ANKS1B: variants seen among roughly 807,000 people sequenced by gnomAD.
The protein encoded by ANKS1B is ankyrin repeat and sterile alpha motif domain-containing protein 1B.
Under a neutral mutation model 148.3 loss-of-function variants are expected in ANKS1B, and 36 were observed. The ratio of observed to expected loss-of-function variants is 0.24; its 90% confidence interval spans 0.19 to 0.32. ANKS1B has a LOEUF of 0.32. ANKS1B is among the 10% of genes least tolerant of loss of function. ANKS1B has a pLI of 1.00. For missense variants in ANKS1B, 1,157 were observed against 1,542.6 expected (o/e 0.75, Z 4.19); for synonymous variants, 542 against 560.8 (o/e 0.97, Z 0.47).
At chr12:99,788,763 AG>A (rs1386104107) in intron 4 of ANKS1B, among the ~76,000 whole-genome samples, 1 of 152,138 alleles carries the variant, frequency 6.6e-6, no homozygotes, top group African/African-American at 2.4e-5. Flanking sequence ...GAGGCCTGGC[AG>A]GACTCACCAT....
chr12:99,002,114 G>A (rs974122032), intron 17 of ANKS1B, among the ~76,000 whole-genome samples: 1 of 152,142 alleles, frequency 6.6e-6, no homozygotes, highest in Non-Finnish European at 1.5e-5. Context: ...TGACCATGGG[G>A]ATACAGATAT....
chr12:99,943,117 G>C (rs1458512467), intron 1 of ANKS1B, among the ~76,000 whole-genome samples: 1 of 152,178 alleles, frequency 6.6e-6, no homozygotes, highest in African/African-American at 2.4e-5. Flanking sequence ...AGGCAACATA[G>C]AGGAGGATTG....
At chr12:99,566,968 A>G (rs1275096641) in intron 9 of ANKS1B, among the ~76,000 whole-genome samples, 2 of 152,162 alleles carry the variant, frequency 1.3e-5, no homozygotes, top group African/African-American at 4.8e-5. Flanking sequence ...CAAAATATGC[A>G]TAACATCTTG....
intron 17 of ANKS1B, among the ~76,000 whole-genome samples, chr12:98,873,818 T>C (rs571383632): frequency 4.6e-5 from 7 of 152,228 alleles, no homozygotes; most frequent in African/African-American, 1.2e-4. Flanking sequence ...CATGAGCAAA[T>C]GGGAAATAAG....
At chr12:99,293,551 A>G (rs1259099055) in intron 12 of ANKS1B, among the ~76,000 whole-genome samples, 1 of 152,224 alleles carries the variant, frequency 6.6e-6, no homozygotes, top group Non-Finnish European at 1.5e-5. Flanking sequence ...ACTTAAATCT[A>G]AGATTTCAAG....
chr12:99,912,584 T>C (rs900817975), intron 1 of ANKS1B, among the ~76,000 whole-genome samples: 3 of 152,130 alleles, frequency 2.0e-5, no homozygotes, highest in Non-Finnish European at 4.4e-5. Flanking sequence ...ACTCCCGGCC[T>C]TAAGCAATCT....
intron 1 of ANKS1B, among the ~76,000 whole-genome samples, chr12:99,893,182 G>A (rs2093204763): frequency 1.3e-5 from 2 of 151,910 alleles, no homozygotes; most frequent in South Asian, 2.1e-4. Context: ...AGGCCGAGGC[G>A]GGCAGATCAC....
At chr12:99,663,847 C>T (rs1056323211) in intron 8 of ANKS1B, among the ~76,000 whole-genome samples, 1 of 152,084 alleles carries the variant, frequency 6.6e-6, no homozygotes, top group African/African-American at 2.4e-5. Flanking sequence ...ATTACAATTC[C>T]TCTGAAACGC....
chr12:99,553,131 T>C (rs1033666996), intron 9 of ANKS1B, among the ~76,000 whole-genome samples: 1 of 151,998 alleles, frequency 6.6e-6, no homozygotes, highest in Non-Finnish European at 1.5e-5. Context: ...TTCACAATAG[T>C]TGGAGCTTCA....
At chr12:98,841,443 C>T (rs559691399) in intron 17 of ANKS1B, among the ~76,000 whole-genome samples, 3 of 152,150 alleles carry the variant, frequency 2.0e-5, no homozygotes, top group Non-Finnish European at 2.9e-5. Flanking sequence ...TGGCATATAA[C>T]ACCCTCCATC....
chr12:99,131,668 G>A (rs907271143), intron 15 of ANKS1B, among the ~76,000 whole-genome samples: 2 of 152,136 alleles, frequency 1.3e-5, no homozygotes, highest in Non-Finnish European at 2.9e-5. Context: ...AAATTATCCT[G>A]TAACTTCATT....
chr12:99,404,110 T>A, intron 11 of ANKS1B, among the ~76,000 whole-genome samples: 1 of 145,942 alleles, frequency 6.9e-6, no homozygotes, highest in Non-Finnish European at 1.5e-5. Context: ...CTCACTTATA[T>A]GTGGGAGCTA....
chr12:99,629,422 T>C lies in ANKS1B; in HGVS notation c.1272+25645A>G, dbSNP rs1307787349. Reference sequence around the variant, plus strand: ...ATGTACTAAGTGACTTGGAATGTAATATTACTAGGAGGTACTCTACTATTA... The same window carrying C: ...ATGTACTAAGTGACTTGGAATGTAACATTACTAGGAGGTACTCTACTATTA... On this transcript the variant is annotated intron_variant, in intron 9 of 26. Transcript: ENST00000683438. Among the ~76,000 whole-genome samples, 6 of 152,200 alleles carry C rather than the reference T, an allele frequency of 3.9e-5. 1 individual carries two copies. The highest frequency in any genetic ancestry group is 1.4e-4 in the African/African-American group (6 of 41,452).
rs184999548 is a variant in ANKS1B at position 99,315,743 on chromosome 12, C to T, written c.1757-68879G>A. Among the ~76,000 whole-genome samples, 519 of 152,170 alleles carry T rather than the reference C, an allele frequency of 3.4e-3. 2 individuals are homozygous for T. Among genetic ancestry groups the T allele is most frequent in the Non-Finnish European group, 5.7e-3 (390 of 68,006 alleles). On this transcript the variant is annotated intron_variant, in intron 12 of 26. Coordinates refer to ENST00000683438, the MANE Select transcript of ANKS1B (RefSeq NM_001352186.2). ...CGTGCAGGTTTGTTACATAGGTATA[C>T]ATGTGCCATGTTGGTGTGCTGCACT...
intron 17 of ANKS1B, among the ~76,000 whole-genome samples, chr12:98,964,108 A>T (rs2099875778): frequency 6.6e-6 from 1 of 152,150 alleles, no homozygotes; most frequent in South Asian, 2.1e-4. Context: ...CAAAAAAAAA[A>T]ATCTAATAAT....
intron 8 of ANKS1B, among the ~76,000 whole-genome samples, chr12:99,758,031 C>T (rs1172714365): frequency 6.6e-6 from 1 of 151,842 alleles, no homozygotes; most frequent in African/African-American, 2.4e-5. Flanking sequence ...ACAACAAACC[C>T]CCATGGCACA....
At position 99,729,443 on chromosome 12, in the gene ANKS1B, A is replaced by C. The variant is rs139293280; in HGVS notation, c.1128+43479T>G. 1.7e-3 allele frequency among the ~76,000 whole-genome samples: 266 copies of C among 152,260 alleles called. 1 individual carries two copies. Among genetic ancestry groups the C allele is most frequent in the African/African-American group, 6.1e-3 (253 of 41,554 alleles). On this transcript the variant is annotated intron_variant, in intron 8 of 26. Transcript: ENST00000683438. ...TTTATAGTTGAGGTTCTTAGAGTGA[A>C]CTTTTCATTTCAGTAATTGTACTTT...
At chr12:99,762,377 G>T (rs2062217451) in intron 8 of ANKS1B, among the ~76,000 whole-genome samples, 1 of 151,516 alleles carries the variant, frequency 6.6e-6, no homozygotes, top group African/African-American at 2.4e-5. Context: ...AGAGAACTCA[G>T]AAATAAAGCC....
chr12:99,086,446 C>G (rs909117045), intron 15 of ANKS1B, among the ~76,000 whole-genome samples: 5 of 152,120 alleles, frequency 3.3e-5, no homozygotes, highest in Admixed American at 2.6e-4. Context: ...GCATGCCATG[C>G]TGAGGGCTTC....
Sources: gnomAD v4.1 joint callset for allele counts (sites outside exome capture counted in the v4.1 genomes callset) on GRCh38, gnomAD v4.1.1 for gene constraint, MANE v1.5 for transcripts, NCBI Gene and HGNC (gene_info 2026-07-23, HGNC 2026-07-21) for gene names.